CNTNAP2: variants seen among roughly 807,000 people sequenced by gnomAD.
CNTNAP2 encodes contactin associated protein 2.
A neutral mutation model predicts 155.2 loss-of-function variants in CNTNAP2; 98 were observed. The ratio of observed to expected loss-of-function variants is 0.63; its 90% CI spans 0.54 to 0.75. The LOEUF (loss-of-function observed/expected upper bound fraction) is 0.75, where lower values mean the gene tolerates loss of function less well. Ranked by LOEUF, CNTNAP2 falls within the 30% of genes least tolerant of loss-of-function variation. CNTNAP2 has a pLI of 0.00. For synonymous variants in CNTNAP2, 651 were observed against 631.2 expected, an observed-to-expected ratio of 1.03 and a Z score of -0.47; for missense variants, 1,727 against 1,688.1, an observed-to-expected ratio of 1.02 and a Z score of -0.40.
intron 12 of CNTNAP2, among the ~76,000 whole-genome samples, chr7:147,637,650 T>C (rs1465176401): frequency 2.0e-5 from 3 of 152,190 alleles, no homozygotes; most frequent in Non-Finnish European, 2.9e-5. Context: ...AGTATTTCCC[T>C]GTGTGCTATT....
chr7:147,419,338 C>G (rs1023715381), intron 10 of CNTNAP2, among the ~76,000 whole-genome samples: 1 of 152,096 alleles, frequency 6.6e-6, no homozygotes, highest in African/African-American at 2.4e-5. Context: ...CCACCAAAGC[C>G]TCCTGGCAGC....
intron 13 of CNTNAP2, among the ~76,000 whole-genome samples, chr7:147,797,648 C>T (rs993492128): frequency 1.3e-4 from 20 of 151,990 alleles, no homozygotes; most frequent in African/African-American, 4.4e-4. Context: ...TATAATGTGC[C>T]TTATGAATCT....
intron 13 of CNTNAP2, among the ~76,000 whole-genome samples, chr7:147,839,310 A>G (rs919712045): frequency 3.9e-5 from 6 of 152,148 alleles, no homozygotes; most frequent in African/African-American, 1.4e-4. Context: ...CAATCCAATC[A>G]AGTTGACACT....
intron 8 of CNTNAP2, among the ~76,000 whole-genome samples, chr7:147,228,235 G>T (rs1803592768): frequency 6.6e-6 from 1 of 152,192 alleles, no homozygotes; most frequent in Non-Finnish European, 1.5e-5. Flanking sequence ...TTGAAAGTGA[G>T]TTTTGCTACA....
rs1563175737 is a variant in CNTNAP2 at position 146,657,895 on chromosome 7, CT to C, written c.98-116371del. On this transcript the variant is annotated intron_variant, in intron 1 of 23. Coordinates refer to ENST00000361727, the MANE Select transcript of CNTNAP2 (RefSeq NM_014141.6). ...AAAAAGTGGTAACTATGATTATTTT[CT>C]TTTTGACAAAATAAGTTCATCATTA... Among the ~76,000 whole-genome samples the C allele has an allele frequency of 2.0e-5, 3 of 151,970 alleles. No individual in the cohort carries two copies. In the South Asian group the frequency reaches 6.2e-4, roughly 32 times the overall value.
At chr7:146,960,460 C>G (rs1440351921) in intron 3 of CNTNAP2, among the ~76,000 whole-genome samples, 1 of 151,932 alleles carries the variant, frequency 6.6e-6, no homozygotes, top group Non-Finnish European at 1.5e-5. Context: ...AAACTATGAC[C>G]TGCAGTTTTT....
At chr7:146,331,396 C>G (rs898647823) in intron 1 of CNTNAP2, among the ~76,000 whole-genome samples, 1 of 151,914 alleles carries the variant, frequency 6.6e-6, no homozygotes, top group Non-Finnish European at 1.5e-5. Flanking sequence ...TGATTTCTGG[C>G]TGTCTCAGTT....
At chr7:147,499,662 C>T (rs763785365) in intron 11 of CNTNAP2, among the ~76,000 whole-genome samples, 1 of 152,166 alleles carries the variant, frequency 6.6e-6, no homozygotes, top group African/African-American at 2.4e-5. Flanking sequence ...GTTCTCTCCC[C>T]CAAGCATGTG....
At chr7:148,066,321 G>A (rs555637971) in intron 15 of CNTNAP2, among the ~76,000 whole-genome samples, 2 of 152,186 alleles carry the variant, frequency 1.3e-5, no homozygotes, top group South Asian at 4.1e-4. Context: ...GTATTTGGAT[G>A]TCTAGATCTC....
chr7:147,495,064 CA>C (rs1798679057), intron 11 of CNTNAP2, among the ~76,000 whole-genome samples: 1 of 152,026 alleles, frequency 6.6e-6, no homozygotes, highest in Non-Finnish European at 1.5e-5. Flanking sequence ...ATGAAGTAGA[CA>C]AGGTAGTTTT....
chr7:146,989,273 A>T (rs1435336891), intron 3 of CNTNAP2, among the ~76,000 whole-genome samples: 2 of 152,122 alleles, frequency 1.3e-5, no homozygotes, highest in East Asian at 3.9e-4. Context: ...ACCAAAGCCT[A>T]GAGCTGACCT....
chr7:147,419,192 G>A (rs1312980550), intron 10 of CNTNAP2, among the ~76,000 whole-genome samples: 2 of 152,100 alleles, frequency 1.3e-5, no homozygotes, highest in African/African-American at 4.8e-5. Flanking sequence ...GTTTCCCAGG[G>A]AGGAGAATCC....
intron 8 of CNTNAP2, among the ~76,000 whole-genome samples, chr7:147,157,164 C>T (rs1801941422): frequency 6.6e-6 from 1 of 152,032 alleles, no homozygotes; most frequent in African/African-American, 2.4e-5. Flanking sequence ...CCAGGGAAAG[C>T]TCTCCATGAC....
At chr7:148,103,100 C>T (rs1804137371) in intron 15 of CNTNAP2, among the ~76,000 whole-genome samples, 1 of 151,986 alleles carries the variant, frequency 6.6e-6, no homozygotes, top group South Asian at 2.1e-4. Flanking sequence ...TTAGCCTTTC[C>T]AAAGGAGGCA....
At chr7:146,657,722 C>T (rs370661963) in intron 1 of CNTNAP2, among the ~76,000 whole-genome samples, 1 of 152,046 alleles carries the variant, frequency 6.6e-6, no homozygotes, top group Non-Finnish European at 1.5e-5. Flanking sequence ...AGACCTCCTG[C>T]AGGGACTTCC....
chr7:148,172,503 C>T (rs764809555), intron 18 of CNTNAP2, 25 bp downstream of exon 18: 3 of 1,595,372 alleles, frequency 1.9e-6, no homozygotes, highest in South Asian at 1.1e-5. Context: ...ATTTCCAGAG[C>T]CACTTTTGCG....
At chr7:148,128,357 A>G (rs997831987) in intron 16 of CNTNAP2, among the ~76,000 whole-genome samples, 3 of 152,188 alleles carry the variant, frequency 2.0e-5, no homozygotes, top group African/African-American at 7.2e-5. Context: ...CTCTCCCCAA[A>G]AATAAAATTT....
chr7:146,253,066 C>T (rs1442442130), intron 1 of CNTNAP2, among the ~76,000 whole-genome samples: 1 of 152,108 alleles, frequency 6.6e-6, no homozygotes, highest in Non-Finnish European at 1.5e-5. Context: ...TTTTTATGAG[C>T]CACCACAATA....
At chr7:146,919,884 A>G (rs935183671) in intron 3 of CNTNAP2, among the ~76,000 whole-genome samples, 1 of 152,136 alleles carries the variant, frequency 6.6e-6, no homozygotes, top group African/African-American at 2.4e-5. Context: ...CTTGGAGCAC[A>G]AGTTTACAAT....
Sources: gnomAD v4.1 joint callset for allele counts (sites outside exome capture counted in the v4.1 genomes callset) on GRCh38, gnomAD v4.1.1 for gene constraint, MANE v1.5 for transcripts, NCBI Gene and HGNC (gene_info 2026-07-23, HGNC 2026-07-21) for gene names.